Variants in TFEB observed in about 807,000 individuals in gnomAD.
TFEB encodes the protein transcription factor EB, also known as T-cell transcription factor EB.
Under a neutral mutation model 48.0 loss-of-function variants are expected in TFEB, and 12 were observed. The observed-to-expected ratio is 0.25, with a 90% CI of 0.16 to 0.40. TFEB has a LOEUF of 0.40. Among genes scored for constraint, TFEB ranks in the 10% least tolerant of loss-of-function variants. TFEB has a pLI of 1.00. For synonymous variants in TFEB, 244 were observed against 261.4 expected (o/e 0.93, Z 0.64); for missense variants, 509 against 640.3 (o/e 0.79, Z 2.21).
chr6:41,688,302 T>C, intron 4 of TFEB: 1 of 396,704 alleles, frequency 2.5e-6, no homozygotes, highest in Non-Finnish European at 4.6e-6. Context: ...CCAGGCATTA[T>C]GGAAGCCCTA....
chr6:41,701,472 C>T (rs1395042908), intron 1 of TFEB, among the ~76,000 whole-genome samples: 4 of 152,200 alleles, frequency 2.6e-5, no homozygotes, highest in African/African-American at 4.8e-5. Context: ...AAGAGATGCA[C>T]GGCCCTCAAG....
intron 1 of TFEB, among the ~76,000 whole-genome samples, chr6:41,702,772 A>C (rs1770000752): frequency 6.6e-6 from 1 of 152,154 alleles, no homozygotes; most frequent in Non-Finnish European, 1.5e-5. Flanking sequence ...CCACAGGCCC[A>C]GCACAAAAGC....
At chr6:41,715,496 C>T (rs1260485928) in intron 1 of TFEB, among the ~76,000 whole-genome samples, 2 of 152,058 alleles carry the variant, frequency 1.3e-5, no homozygotes, top group South Asian at 4.2e-4. Flanking sequence ...ATGGTGAAAC[C>T]CCATCTCTAC....
In TFEB at chr6:41,730,719, C is replaced by CAGAG. The variant is rs1771414630; in HGVS notation, c.-23+4630_-23+4631insCTCT. Among the ~76,000 whole-genome samples the CAGAG allele has an allele frequency of 6.6e-6, 1 of 152,228 alleles. No homozygotes were observed. The highest frequency in any genetic ancestry group is 1.5e-5 in the Non-Finnish European group (1 of 68,038). ...GCGATTTTATCTCTGTCCCCAATGA[C>CAGAG]ATCACAGCCAAGGGGATCTGTATCT... is the stretch of plus-strand genomic sequence containing the variant. On this transcript the variant is annotated intron_variant, in intron 1 of 8. Transcript: ENST00000373033. The surrounding 1 kb of genome is among the most constrained non-coding windows in gnomAD (Gnocchi z 4.1).
intron 1 of TFEB, among the ~76,000 whole-genome samples, chr6:41,727,909 C>T (rs916587821): frequency 4.6e-5 from 7 of 152,134 alleles, no homozygotes; most frequent in Admixed American, 3.3e-4. Context: ...CTCTAGTCCT[C>T]CTGGAAGGAA....
chr6:41,722,100 C>T (rs1312758525), intron 1 of TFEB, among the ~76,000 whole-genome samples: 1 of 152,170 alleles, frequency 6.6e-6, no homozygotes, highest in Non-Finnish European at 1.5e-5. Flanking sequence ...CTGCTTCAGC[C>T]ACCCAAGTAG....
intron 1 of TFEB, among the ~76,000 whole-genome samples, chr6:41,701,199 G>A (rs557856313): frequency 3.2e-4 from 49 of 152,174 alleles, no homozygotes; most frequent in African/African-American, 1.1e-3. Flanking sequence ...CTCAGCTGCC[G>A]CTTGCAGTCT....
In TFEB at chr6:41,735,591, C is replaced by T. The variant is rs1771649130; in HGVS notation, c.-264G>A. 2.0e-6 allele frequency: 2 copies of T among 982,208 alleles called. No homozygotes were observed. Among genetic ancestry groups the T allele is most frequent in the South Asian group, 9.4e-5 (2 of 21,296 alleles). The allele number at this position is 982,208 out of a possible 1,614,324, so 60.8% of individuals were successfully genotyped here. A position where few individuals can be genotyped will look rare whatever the true frequency, so the allele number is the denominator to read the frequency against. Reference sequence around the variant, plus strand: ...CCGAGCCCCGCGCCCGGCGCCCGGGCTCCGGCTGTCACTCCACGCACACTT... The same window carrying T: ...CCGAGCCCCGCGCCCGGCGCCCGGGTTCCGGCTGTCACTCCACGCACACTT... On this transcript the variant is annotated 5_prime_UTR_variant, in exon 1 of 9. Transcript: ENST00000373033.
At chr6:41,735,660 C>G (rs1771652832), upstream of TFEB, 1 of 756,580 alleles carries the variant, frequency 1.3e-6, no homozygotes, top group Admixed American at 6.2e-5. Context: ...CGCCTCCCAG[C>G]CGCTCTGCCT....
At chr6:41,699,460 G>A (rs531632002) in intron 1 of TFEB, among the ~76,000 whole-genome samples, 1 of 152,356 alleles carries the variant, frequency 6.6e-6, no homozygotes, top group East Asian at 1.9e-4. Context: ...GATAGGGGCA[G>A]GAAGGCCTCA....
intron 4 of TFEB, among the ~76,000 whole-genome samples, chr6:41,689,106 T>TG (rs1156729299): frequency 6.6e-6 from 1 of 152,122 alleles, no homozygotes; most frequent in East Asian, 1.9e-4. Context: ...CTGAGAAAAC[T>TG]GGGGTTTAGT....
Position 41,734,805 on chromosome 6 carries a change from C to T in TFEB, c.-23+545G>A. The T allele has an allele frequency of 1.2e-6, 1 of 802,402 alleles. No individual in the cohort carries two copies. The highest frequency in any genetic ancestry group is 1.5e-6 in the Non-Finnish European group (1 of 662,654). The allele number at this position is 802,402 out of a possible 1,614,324, so 49.7% of individuals were successfully genotyped here. ...GGAGAGATGGTACTTCCACCCGCCC[C>T]CCCATCAGCCCAGCCCCCGGGGCGT... On this transcript the variant is annotated intron_variant, in intron 1 of 8. Coordinates refer to ENST00000373033, the MANE Select transcript of TFEB (RefSeq NM_001271944.2). The surrounding 1 kb of genome is among the most constrained non-coding windows in gnomAD (Gnocchi z 4.0).
intron 1 of TFEB, among the ~76,000 whole-genome samples, chr6:41,714,794 C>A (rs1352618177): frequency 1.3e-4 from 20 of 152,152 alleles, no homozygotes; most frequent in Admixed American, 1.3e-3. Context: ...CCTCCACACC[C>A]CAAGGGACTC....
intron 1 of TFEB, among the ~76,000 whole-genome samples, chr6:41,715,751 C>T (rs531073698): frequency 1.3e-5 from 2 of 152,056 alleles, no homozygotes; most frequent in East Asian, 3.9e-4. Flanking sequence ...CCACGTACAT[C>T]ACGCCTATGA....
chr6:41,723,638 T>A lies in TFEB; in HGVS notation c.-23+11712A>T. The A allele has an allele frequency of 1.1e-6, 1 of 946,020 alleles. No individual in the cohort carries two copies. Among genetic ancestry groups the A allele is most frequent in the Non-Finnish European group, 1.4e-6 (1 of 711,166 alleles). The allele number at this position is 946,020 out of a possible 1,614,324, so 58.6% of individuals were successfully genotyped here. The stretch of plus-strand genomic sequence containing the variant: ...CTGGAGAGGAAGTTGCACAATCCCC[T>A]GGGAGCTGCAAATGCGGCCGAGGAT... On this transcript the variant is annotated intron_variant, in intron 1 of 8. Transcript: ENST00000373033. The surrounding 1 kb of genome is among the most constrained non-coding windows in gnomAD (Gnocchi z 6.0).
chr6:41,733,900 G>A (rs992339377), intron 1 of TFEB: 1 of 985,844 alleles, frequency 1.0e-6, no homozygotes, highest in Non-Finnish European at 1.2e-6. Flanking sequence ...CTCATCCCCA[G>A]CTGCCCAACA....
intron 1 of TFEB, among the ~76,000 whole-genome samples, chr6:41,711,120 T>C (rs923742013): frequency 6.6e-6 from 1 of 152,272 alleles, no homozygotes; most frequent in Non-Finnish European, 1.5e-5. Context: ...AAAGCCGTGA[T>C]AGAGCCAGTG....
chr6:41,731,418 T>G (rs1426559212), intron 1 of TFEB, among the ~76,000 whole-genome samples: 1 of 152,196 alleles, frequency 6.6e-6, no homozygotes, highest in Non-Finnish European at 1.5e-5. Context: ...GACCAGTCTT[T>G]AGCTAAAGCT....
chr6:41,685,855 C>T (rs750952882), intron 8 of TFEB, among the ~76,000 whole-genome samples: 16 of 152,244 alleles, frequency 1.1e-4, no homozygotes, highest in Non-Finnish European at 1.9e-4. Context: ...TGGGTGCCAG[C>T]AGCGTGGGTG....
Sources: allele counts gnomAD v4.1 joint callset (sites outside exome capture counted in the v4.1 genomes callset), GRCh38; gene constraint gnomAD v4.1.1; non-coding constraint Gnocchi (gnomAD v3.1); transcripts MANE v1.5; gene names NCBI Gene and HGNC (gene_info 2026-07-23, HGNC 2026-07-21).